ZNF541: variants seen among roughly 807,000 people sequenced by gnomAD.
ZNF541 encodes the protein zinc finger protein 541.
In ZNF541, 23 loss-of-function variants were observed where a neutral mutation model predicts 123.5. That is an observed-to-expected ratio of 0.19 (90% CI 0.13 to 0.26). ZNF541 has a LOEUF of 0.26. Among genes scored for constraint, ZNF541 ranks in the 10% least tolerant of loss-of-function variants. The pLI is 1.00. For synonymous variants in ZNF541, 751 were observed against 754.5 expected (o/e 1.00, Z 0.08); for missense variants, 1,612 against 1,789.9 (o/e 0.90, Z 1.79).
chr19:47,546,117 A>G lies in ZNF541; in HGVS notation c.549-137T>C, dbSNP rs1424753571. 9 of 694,934 alleles carry G rather than the reference A, an allele frequency of 1.3e-5. No homozygotes were observed. The African/African-American group carries it at 1.6e-4, about 13-fold the overall frequency. The allele number at this position is 694,934 out of a possible 1,614,324, so 43.0% of individuals were successfully genotyped here. A position where few individuals can be genotyped will look rare whatever the true frequency, so the allele number is the denominator to read the frequency against. On this transcript the variant is annotated intron_variant, in intron 4 of 16. Transcript: ENST00000391901. ...AATTGTACTCAGCCCCCACGAGGAA[A>G]GACCACCCAGCAAACCCTGCTTCGG...
chr19:47,521,198 C>T lies in ZNF541; in HGVS notation c.*26G>A, dbSNP rs1969007648. 1 of 1,547,472 alleles carries T rather than the reference C, an allele frequency of 6.5e-7. No individual in the cohort carries two copies. The highest frequency in any genetic ancestry group is 1.4e-5 in the African/African-American group (1 of 72,950). On this transcript the variant is annotated 3_prime_UTR_variant, in exon 17 of 17. Transcript: ENST00000391901. The surrounding 1 kb of genome is among the most constrained non-coding windows in gnomAD (Gnocchi z 4.2). Reference sequence around the variant, plus strand: ...AGGGAGGAGGGGCAGCACTGGAGGCCCCATTCGGACTTGCTGCCACGGGAG... The same window carrying T: ...AGGGAGGAGGGGCAGCACTGGAGGCTCCATTCGGACTTGCTGCCACGGGAG...
chr19:47,538,089 T>G (rs1599978944), intron 9 of ZNF541, 53 bp downstream of exon 9: 1 of 1,539,542 alleles, frequency 6.5e-7, no homozygotes. Context: ...GTGGCTGTGG[T>G]CCGCAGGCAA....
In ZNF541 at chr19:47,541,785, T is replaced by C. The variant is rs560178631; in HGVS notation, c.2404-834A>G. On this transcript the variant is annotated intron_variant, in intron 5 of 16. Coordinates refer to ENST00000391901, the MANE Select transcript of ZNF541 (RefSeq NM_001277075.3). ...CAAGTGTTAGTGAGGACATGGAGAATGTGGAGCCCTCATACACTGTGGGTG... is the reference window on the plus strand; with the variant it reads ...CAAGTGTTAGTGAGGACATGGAGAACGTGGAGCCCTCATACACTGTGGGTG... Among the ~76,000 whole-genome samples, 43 of 152,278 alleles carry C rather than the reference T, an allele frequency of 2.8e-4. 1 individual carries two copies. Among genetic ancestry groups the C allele is most frequent in the Non-Finnish European group, 4.9e-4 (33 of 68,022 alleles).
At chr19:47,522,740 G>C (rs1013576763) in intron 14 of ZNF541, among the ~76,000 whole-genome samples, 2 of 139,840 alleles carry the variant, frequency 1.4e-5, no homozygotes, top group African/African-American at 5.4e-5. Flanking sequence ...AGGCTGCAGT[G>C]AGCCTTTTTT....
chr19:47,544,037 T>C (rs1970195045), intron 5 of ZNF541, 89 bp downstream of exon 5: 1 of 1,410,826 alleles, frequency 7.1e-7, no homozygotes, highest in Non-Finnish European at 9.3e-7. Flanking sequence ...CTGGGGACTC[T>C]CTGAAATGAA....
intron 2 of ZNF541, among the ~76,000 whole-genome samples, chr19:47,564,677 C>A (rs910683318): frequency 5.9e-5 from 9 of 152,138 alleles, no homozygotes; most frequent in African/African-American, 2.2e-4. Context: ...GGCATGGATG[C>A]GGTGAACAAG....
intron 1 of ZNF541, among the ~76,000 whole-genome samples, 186 bp downstream of exon 1, chr19:47,572,897 A>AC (rs2053605001): frequency 6.6e-6 from 1 of 151,894 alleles, no homozygotes; most frequent in Non-Finnish European, 1.5e-5. Context: ...TGCGTGCGTG[A>AC]CGCAGGGTGA....
chr19:47,567,964 A>G (rs888714662), intron 2 of ZNF541, among the ~76,000 whole-genome samples: 2 of 152,094 alleles, frequency 1.3e-5, no homozygotes, highest in Non-Finnish European at 2.9e-5. Context: ...ATTTACTCTA[A>G]ATTATCTAGG....
At chr19:47,524,810 A>G (rs915707704) in intron 14 of ZNF541, among the ~76,000 whole-genome samples, 2 of 152,102 alleles carry the variant, frequency 1.3e-5, no homozygotes, top group African/African-American at 4.8e-5. Context: ...CCAGGAGGTC[A>G]AAGGGTGCAG....
In ZNF541 at chr19:47,544,590, C is replaced by A. The variant is rs1970233455; in HGVS notation, c.1939G>T (p.Ala647Ser). Residue 647 changes from alanine to serine, a missense_variant, in exon 5 of 17, where the codon GCA (alanine) becomes TCA (serine). By Grantham distance (99) the Ala-to-Ser change is moderately conservative (BLOSUM62 1). This residue lies in a region of ZNF541 where 1,080 missense variants were observed against 1,013.8 expected (regional missense o/e 1.07). Transcript: ENST00000391901. Reference protein sequence around the residue: ...EASPGSTRRDAKGGLKVAAVP... With the variant: ...EASPGSTRRDSKGGLKVAAVP... ...GCGGCCACTTTCAGTCCCCCCTTTG[C>A]GTCTCGTCTCGTGCTGCCGGGGGAG... The A allele has an allele frequency of 4.5e-6, 7 of 1,551,166 alleles. No individual in the cohort carries two copies. The highest frequency in any genetic ancestry group is 6.1e-6 in the Non-Finnish European group (7 of 1,146,910).
At chr19:47,557,565 C>T (rs1007972433) in intron 2 of ZNF541, among the ~76,000 whole-genome samples, 17 of 152,070 alleles carry the variant, frequency 1.1e-4, no homozygotes, top group African/African-American at 3.4e-4. Flanking sequence ...GGAGGCTGGG[C>T]GCCAGGGCTC....
intron 4 of ZNF541, among the ~76,000 whole-genome samples, 178 bp downstream of exon 4, chr19:47,549,064 CAAA>C (rs78494981): frequency 8.7e-6 from 1 of 114,576 alleles, no homozygotes; most frequent in Non-Finnish European, 1.7e-5. Context: ...GGATGACAGA[CAAA>C]AAAAAAAAAA....
Position 47,544,997 on chromosome 19 carries a change from A to C in ZNF541, c.1532T>G (p.Phe511Cys). 1 of 1,524,548 alleles carries C rather than the reference A, an allele frequency of 6.6e-7. No homozygotes were observed. Among genetic ancestry groups the C allele is most frequent in the Non-Finnish European group, 8.8e-7 (1 of 1,141,638 alleles). 94.4% of individuals were successfully genotyped at this position (1,524,548 alleles called of 1,614,324 possible). A position where few individuals can be genotyped will look rare whatever the true frequency, so the allele number is the denominator to read the frequency against. ...GGGCTCCCCGGGGTTCTGGCACAGG[A>C]AGGAGTCGCAGTCGACCTTGACCTT... ...PKKVKVDCDS[F>C]LCQNPGEPGL... The change falls in exon 5 of 17, where the codon TTC becomes TGC. Residue 511 changes from phenylalanine to cysteine, a missense_variant. Phe to Cys is a radical substitution (Grantham distance 205, BLOSUM62 -2). Coordinates refer to ENST00000391901, the MANE Select transcript of ZNF541 (RefSeq NM_001277075.3).
chr19:47,557,975 C>A (rs1295914287), intron 2 of ZNF541, among the ~76,000 whole-genome samples: 2 of 151,534 alleles, frequency 1.3e-5, no homozygotes, highest in East Asian at 3.9e-4. Context: ...AGAATTTATT[C>A]CCCCCAAAAT....
intron 2 of ZNF541, among the ~76,000 whole-genome samples, chr19:47,562,559 C>CA (rs1230061874): frequency 6.6e-6 from 1 of 151,854 alleles, no homozygotes; most frequent in Non-Finnish European, 1.5e-5. Flanking sequence ...AAACTAAAAA[C>CA]AAAAAACAAA....
intron 2 of ZNF541, among the ~76,000 whole-genome samples, chr19:47,570,476 C>A (rs949702191): frequency 6.8e-6 from 1 of 146,186 alleles, no homozygotes; most frequent in African/African-American, 2.5e-5. Context: ...ACTCAGGAGG[C>A]TGAGGCATGA....
At chr19:47,554,738 A>G (rs1417115443) in intron 3 of ZNF541, among the ~76,000 whole-genome samples, 2 of 152,214 alleles carry the variant, frequency 1.3e-5, no homozygotes, top group Non-Finnish European at 2.9e-5. Flanking sequence ...AAAGATAAGG[A>G]TATCCCCAGA....
chr19:47,570,116 T>C, intron 2 of ZNF541, among the ~76,000 whole-genome samples: 1 of 147,218 alleles, frequency 6.8e-6, no homozygotes, highest in Non-Finnish European at 1.5e-5. Context: ...GTACTAAAAA[T>C]ACAAAAAATT....
At chr19:47,565,134 A>T (rs1329856083) in intron 2 of ZNF541, among the ~76,000 whole-genome samples, 1 of 152,050 alleles carries the variant, frequency 6.6e-6, no homozygotes, top group African/African-American at 2.4e-5. Context: ...AGAATGATAC[A>T]ATGGACTTTG....
Sources: gnomAD v4.1 joint callset for allele counts (sites outside exome capture counted in the v4.1 genomes callset) on GRCh38, gnomAD v4.1.1 for gene constraint, gnomAD v4.1.1 regional missense constraint, Gnocchi (gnomAD v3.1) non-coding constraint, MANE v1.5 for transcripts, NCBI Gene and HGNC (gene_info 2026-07-23, HGNC 2026-07-21) for gene names.